SCUBE1: variants seen among roughly 807,000 people sequenced by gnomAD.
SCUBE1 encodes signal peptide, CUB and EGF-like domain-containing protein 1.
Under a neutral mutation model 124.4 loss-of-function variants are expected in SCUBE1, and 59 were observed. The observed-to-expected ratio is 0.47, with a 90% CI of 0.38 to 0.59. The LOEUF (loss-of-function observed/expected upper bound fraction) is 0.59. SCUBE1 is among the 20% of genes least tolerant of loss of function. The pLI, the probability that SCUBE1 is intolerant of heterozygous loss-of-function variation, is 0.00. For missense variants in SCUBE1, 1,150 were observed against 1,371.2 expected, an observed-to-expected ratio of 0.84 and a Z score of 2.55; for synonymous variants, 545 against 550.9, an observed-to-expected ratio of 0.99 and a Z score of 0.15.
At chr22:43,302,849 G>T (rs1430545522) in intron 3 of SCUBE1, among the ~76,000 whole-genome samples, 1 of 152,230 alleles carries the variant, frequency 6.6e-6, no homozygotes, top group Non-Finnish European at 1.5e-5. Context: ...AAAGAAGGAG[G>T]AAACGCTCCC....
At chr22:43,294,295 C>T (rs1057335654) in intron 3 of SCUBE1, among the ~76,000 whole-genome samples, 25 of 152,216 alleles carry the variant, frequency 1.6e-4, no homozygotes, top group African/African-American at 6.0e-4. Flanking sequence ...CCTGAGGCCC[C>T]ACACACGCCT....
chr22:43,209,396 G>A lies in SCUBE1; in HGVS notation c.2581+647C>T, dbSNP rs571537328. Among the ~76,000 whole-genome samples, 11 of 152,354 alleles carry A rather than the reference G, an allele frequency of 7.2e-5. No homozygotes were observed. The South Asian group carries it at 2.3e-3, about 32-fold the overall frequency. On this transcript the variant is annotated intron_variant, in intron 19 of 21. Coordinates refer to ENST00000360835, the MANE Select transcript of SCUBE1 (RefSeq NM_173050.5). Reference sequence around the variant, plus strand: ...ACAGGTGCGCTGCAGGTATTTGGCTGGTGCTCGGGTGGCTCAGGGGCCTCC... The same window carrying A: ...ACAGGTGCGCTGCAGGTATTTGGCTAGTGCTCGGGTGGCTCAGGGGCCTCC...
intron 7 of SCUBE1, among the ~76,000 whole-genome samples, chr22:43,237,360 C>A (rs1922811323): frequency 1.3e-5 from 2 of 152,342 alleles, no homozygotes; most frequent in South Asian, 4.1e-4. Context: ...CCCAGCCTTG[C>A]CCAAGGAATT....
intron 15 of SCUBE1, among the ~76,000 whole-genome samples, chr22:43,215,267 C>T (rs367561230): frequency 1.1e-4 from 17 of 152,300 alleles, no homozygotes; most frequent in African/African-American, 4.1e-4. Flanking sequence ...CCTGGCTACC[C>T]TGGGGACACA....
chr22:43,293,429 C>T (rs1925444873), intron 3 of SCUBE1, among the ~76,000 whole-genome samples: 1 of 152,216 alleles, frequency 6.6e-6, no homozygotes, highest in Non-Finnish European at 1.5e-5. Flanking sequence ...GAACACGCGC[C>T]TTTGGCCCCA....
chr22:43,334,700 C>T (rs746386053), intron 2 of SCUBE1, among the ~76,000 whole-genome samples: 4 of 152,170 alleles, frequency 2.6e-5, no homozygotes, highest in Non-Finnish European at 4.4e-5. Flanking sequence ...ACATTATCAT[C>T]ACCCCCATCA....
intron 3 of SCUBE1, among the ~76,000 whole-genome samples, chr22:43,292,549 G>A (rs1468542926): frequency 2.5e-5 from 2 of 78,984 alleles, no homozygotes; most frequent in Non-Finnish European, 4.7e-5. Flanking sequence ...GCCAATCCCC[G>A]GTCCCTAACA....
chr22:43,303,414 T>C (rs532706690), intron 3 of SCUBE1, among the ~76,000 whole-genome samples: 3 of 152,372 alleles, frequency 2.0e-5, no homozygotes, highest in South Asian at 4.1e-4. Context: ...TGTTCCTTCC[T>C]GCACTCAGCA....
chr22:43,198,186 C>A lies in SCUBE1; in HGVS notation c.*5811G>T. 1 of 260,350 alleles carries A rather than the reference C, an allele frequency of 3.8e-6. No individual in the cohort carries two copies. Among genetic ancestry groups the A allele is most frequent in the Non-Finnish European group, 7.7e-6 (1 of 130,680 alleles). The allele number at this position is 260,350 out of a possible 1,614,324, so 16.1% of individuals were successfully genotyped here. A position where few individuals can be genotyped will look rare whatever the true frequency, so the allele number is the denominator to read the frequency against. Reference sequence around the variant, plus strand: ...TTAGAGGGTTGAGCCCAGAGCCTGGCACCCAGTGGGCACTGAGTGAGCGTC... The same window carrying A: ...TTAGAGGGTTGAGCCCAGAGCCTGGAACCCAGTGGGCACTGAGTGAGCGTC... On this transcript the variant is annotated 3_prime_UTR_variant, in exon 22 of 22. Transcript: ENST00000360835.
chr22:43,302,170 G>T (rs753750749), intron 3 of SCUBE1, among the ~76,000 whole-genome samples: 2 of 152,348 alleles, frequency 1.3e-5, no homozygotes, highest in South Asian at 4.1e-4. Context: ...CGGAGATCGC[G>T]ATGGGGAACC....
At chr22:43,225,074 T>G (rs1046738216) in intron 10 of SCUBE1, among the ~76,000 whole-genome samples, 1 of 152,144 alleles carries the variant, frequency 6.6e-6, no homozygotes, top group African/African-American at 2.4e-5. Context: ...TTTCATCATT[T>G]AATAGCTTCT....
intron 4 of SCUBE1, among the ~76,000 whole-genome samples, chr22:43,274,964 A>G (rs1924443849): frequency 1.3e-5 from 2 of 152,068 alleles, no homozygotes; most frequent in Non-Finnish European, 2.9e-5. Context: ...CACTTTGGGG[A>G]CATAAGCCAA....
chr22:43,217,665 G>A (rs1921894402), intron 15 of SCUBE1, among the ~76,000 whole-genome samples: 1 of 152,176 alleles, frequency 6.6e-6, no homozygotes, highest in Non-Finnish European at 1.5e-5. Context: ...CTGGCCCACT[G>A]TCCATCTTCC....
rs545119799 is a variant in SCUBE1 at position 43,286,739 on chromosome 22, G to A, written c.484+4307C>T. Among the ~76,000 whole-genome samples, 11 of 152,246 alleles carry A rather than the reference G, an allele frequency of 7.2e-5. No homozygotes were observed. In the South Asian group the frequency reaches 1.5e-3, roughly 20 times the overall value. On this transcript the variant is annotated intron_variant, in intron 4 of 21. Transcript: ENST00000360835. Reference sequence around the variant, plus strand: ...AAAGCTTCCCAGTGGACCATGCCTCGGATCCTAGGGGCTGGCAGAGCACCT... The same window carrying A: ...AAAGCTTCCCAGTGGACCATGCCTCAGATCCTAGGGGCTGGCAGAGCACCT...
chr22:43,328,804 T>C (rs1926811290), intron 2 of SCUBE1, among the ~76,000 whole-genome samples: 1 of 152,246 alleles, frequency 6.6e-6, no homozygotes, highest in East Asian at 1.9e-4. Flanking sequence ...CAGTGGCAAC[T>C]CCACACCAGG....
In SCUBE1 at chr22:43,255,683, C is replaced by A. The variant is rs55657687; in HGVS notation, c.727+2536G>T. 5.2e-6 allele frequency: 5 copies of A among 969,942 alleles called. No homozygotes were observed. The highest frequency in any genetic ancestry group is 2.6e-5 in the East Asian group (1 of 38,136). 60.1% of individuals were successfully genotyped at this position (969,942 alleles called of 1,614,324 possible). On this transcript the variant is annotated intron_variant, in intron 6 of 21. Coordinates refer to ENST00000360835, the MANE Select transcript of SCUBE1 (RefSeq NM_173050.5). This position sits in a 1 kb window ranked among gnomAD's most constrained non-coding sequence, Gnocchi z 4.7. ...CGGCGTGGCGCACGCAAAGCCAACA[C>A]AACACGCCGGCCAGCTCGGCATCCT...
At chr22:43,290,340 T>A (rs1281403746) in intron 4 of SCUBE1, among the ~76,000 whole-genome samples, 1 of 152,136 alleles carries the variant, frequency 6.6e-6, no homozygotes, top group African/African-American at 2.4e-5. Flanking sequence ...CAAGCACATG[T>A]GTCCTGGCTT....
chr22:43,198,133 G>C lies in SCUBE1; in HGVS notation c.*5864C>G, dbSNP rs1312443336. On this transcript the variant is annotated 3_prime_UTR_variant, in exon 22 of 22. Transcript: ENST00000360835. The stretch of plus-strand genomic sequence containing the variant: ...ATGGTCTTAACCCCACCATCTACAT[G>C]GGGCTGGGGGGATGGAATGTGTGGA... 1 of 190,268 alleles carries C rather than the reference G, an allele frequency of 5.3e-6. No homozygotes were observed. 11.8% of individuals were successfully genotyped at this position (190,268 alleles called of 1,614,324 possible).
In SCUBE1 at chr22:43,281,585, CT is replaced by C. The variant is rs761844237; in HGVS notation, c.484+9460del. On this transcript the variant is annotated intron_variant, in intron 4 of 21. Coordinates refer to ENST00000360835, the MANE Select transcript of SCUBE1 (RefSeq NM_173050.5). ...CCTCAGCCACCCTCCTGTCACCTCC[CT>C]TCTCAGCCACCCTCCTGTCACCTCC... Among the ~76,000 whole-genome samples the C allele has an allele frequency of 1.8e-3, 245 of 135,474 alleles. 5 individuals carry two copies. The highest frequency in any genetic ancestry group is 5.8e-3 in the African/African-American group (180 of 31,200). The allele number at this position is 135,474 out of a possible 152,430, so 88.9% of individuals were successfully genotyped here.
Sources: allele counts gnomAD v4.1 joint callset (sites outside exome capture counted in the v4.1 genomes callset), GRCh38; gene constraint gnomAD v4.1.1; non-coding constraint Gnocchi (gnomAD v3.1); transcripts MANE v1.5; gene names NCBI Gene and HGNC (gene_info 2026-07-23, HGNC 2026-07-21).